The following CAND2 variants were observed in gnomAD, a reference collection of about 807,000 sequenced individuals.
CAND2 encodes cullin-associated NEDD8-dissociated protein 2.
Under a neutral mutation model 98.9 loss-of-function variants are expected in CAND2, and 62 were observed. The observed-to-expected ratio is 0.63, with a 90% CI of 0.51 to 0.77. The LOEUF is 0.77. Among genes scored for constraint, CAND2 ranks in the 30% least tolerant of loss-of-function variants. The probability of loss-of-function intolerance (pLI) is 0.00; values close to 1 mark genes in which losing one functional copy is unlikely to be tolerated. For synonymous variants in CAND2, 770 were observed against 731.9 expected, an observed-to-expected ratio of 1.05 and a Z score of -0.84; for missense variants, 1,501 against 1,655.2, an observed-to-expected ratio of 0.91 and a Z score of 1.62.
At chr3:12,825,043 A>G (rs530912734) in intron 11 of CAND2, among the ~76,000 whole-genome samples, 1 of 152,132 alleles carries the variant, frequency 6.6e-6, no homozygotes, top group Admixed American at 6.5e-5. Flanking sequence ...GTTCACATTC[A>G]CAGAGTCCGT....
chr3:12,803,688 C>T (rs192246470), intron 2 of CAND2, 57 bp downstream of exon 2: 1 of 1,481,310 alleles, frequency 6.8e-7, no homozygotes, highest in African/African-American at 1.4e-5. Flanking sequence ...TGGGAGCATC[C>T]TGGGGACCGC....
At chr3:12,824,976 ACT>A (rs1018559678) in intron 11 of CAND2, among the ~76,000 whole-genome samples, 1 of 151,734 alleles carries the variant, frequency 6.6e-6, no homozygotes. Context: ...AGTGCTGGTG[ACT>A]CTGTGTAAGT....
intron 11 of CAND2, among the ~76,000 whole-genome samples, chr3:12,824,251 T>A (rs1419289742): frequency 2.0e-5 from 3 of 152,360 alleles, no homozygotes; most frequent in Admixed American, 1.3e-4. Flanking sequence ...AAATTTTTTT[T>A]AAGTTTAAAC....
At chr3:12,799,035 C>A (rs1451521591) in intron 1 of CAND2, among the ~76,000 whole-genome samples, 2 of 152,168 alleles carry the variant, frequency 1.3e-5, no homozygotes, top group Non-Finnish European at 2.9e-5. Flanking sequence ...GAGGCTCCAG[C>A]AGTCAAAACG....
At position 12,816,637 on chromosome 3, in the gene CAND2, G is replaced by C; in HGVS notation, c.1705G>C (p.Glu569Gln). The C allele has an allele frequency of 6.2e-7, 1 of 1,613,906 alleles. No individual in the cohort carries two copies. The highest frequency in any genetic ancestry group is 8.5e-7 in the Non-Finnish European group (1 of 1,180,040). Residue 569 changes from glutamate (E) to glutamine (Q), a missense_variant, in exon 10 of 15, where the codon GAG (glutamate) becomes CAG (glutamine). By Grantham distance (29) the Glu-to-Gln change is conservative. Coordinates refer to ENST00000456430, the MANE Select transcript of CAND2 (RefSeq NM_001162499.2). Reference protein sequence around the residue: ...RMLDPEPYVGEMSAVTLARLR... With the variant: ...RMLDPEPYVGQMSAVTLARLR... ...GCTGGATCCTGAGCCATATGTTGGA[G>C]AGATGTCTGCTGTCACCCTGGCGCG...
intron 1 of CAND2, among the ~76,000 whole-genome samples, chr3:12,802,865 A>G (rs1466714201): frequency 6.6e-6 from 1 of 152,112 alleles, no homozygotes; most frequent in East Asian, 1.9e-4. Flanking sequence ...ACAAACCTGT[A>G]TTGAGTACTG....
chr3:12,803,456 G>T (rs1290324392), intron 1 of CAND2, 32 bp from the exon 2 acceptor site: 3 of 1,560,434 alleles, frequency 1.9e-6, no homozygotes, highest in Non-Finnish European at 1.7e-6. Flanking sequence ...CCCAGGAGCT[G>T]CTCAGCAATC....
At chr3:12,797,145 C>T (rs1422253203) in intron 1 of CAND2, among the ~76,000 whole-genome samples, 2 of 149,196 alleles carry the variant, frequency 1.3e-5, no homozygotes, top group Non-Finnish European at 3.0e-5. Context: ...CCCTTCTTCC[C>T]CCGCAGCTGA....
At chr3:12,807,173 C>A in intron 2 of CAND2, 133 bp from the exon 3 acceptor site, 1 of 763,146 alleles carries the variant, frequency 1.3e-6, no homozygotes, top group Non-Finnish European at 2.1e-6. Flanking sequence ...TCTGGCCAAA[C>A]AGGGGCTCCC....
intron 2 of CAND2, among the ~76,000 whole-genome samples, chr3:12,806,365 T>G (rs2061805954): frequency 6.6e-6 from 1 of 152,166 alleles, no homozygotes; most frequent in South Asian, 2.1e-4. Flanking sequence ...AAGCTCTTGT[T>G]GAAACCCTGT....
rs755133388 is a variant in CAND2, at chr3:12,807,430, G to A, written c.337G>A (p.Val113Ile). ...CATTGCCGGCATTGGCCTCAAGACC[G>A]TCCTCTCGGAGCTCCCTCCTGCAGC... is the stretch of plus-strand genomic sequence containing the variant. ...RDIAGIGLKT[V>I]LSELPPAATG... is the part of the protein sequence containing the mutation. Residue 113 changes from valine to isoleucine, a missense_variant, in exon 3 of 15, where the codon GTC becomes ATC. Physicochemically the swap from Val to Ile is conservative, Grantham distance 29 (BLOSUM62 3). Around this residue, in one of 3 missense-constraint regions of CAND2, gnomAD observed 1,427 missense variants for 1,545.3 expected, o/e 0.92. Coordinates refer to ENST00000456430, the MANE Select transcript of CAND2 (RefSeq NM_001162499.2). The A allele has an allele frequency of 2.4e-5, 37 of 1,551,428 alleles. No homozygotes were observed. Among genetic ancestry groups the A allele is most frequent in the Non-Finnish European group, 3.0e-5 (34 of 1,146,960 alleles).
intron 12 of CAND2, among the ~76,000 whole-genome samples, chr3:12,826,418 C>T (rs2061999647): frequency 1.6e-5 from 2 of 123,416 alleles, no homozygotes; most frequent in South Asian, 2.6e-4. Context: ...TCAGAAAGAC[C>T]TGGGTGTCTT....
intron 3 of CAND2, 111 bp downstream of exon 3, chr3:12,807,571 T>A: frequency 9.0e-7 from 1 of 1,109,832 alleles, no homozygotes; most frequent in Non-Finnish European, 1.3e-6. Flanking sequence ...TGAAGAGACA[T>A]ACCTGAGGTC....
intron 13 of CAND2, among the ~76,000 whole-genome samples, chr3:12,829,006 T>C (rs539154789): frequency 1.3e-5 from 2 of 152,346 alleles, no homozygotes; most frequent in African/African-American, 4.8e-5. Context: ...GTAATGCGAC[T>C]GTGAACCTAG....
chr3:12,823,880 G>C (rs898698657), intron 11 of CAND2, among the ~76,000 whole-genome samples: 2 of 152,252 alleles, frequency 1.3e-5, no homozygotes. Context: ...CTGGGCGACA[G>C]AGCGAGACTG....
chr3:12,827,744 A>G (rs1207881623), intron 13 of CAND2, 140 bp downstream of exon 13: 7 of 800,724 alleles, frequency 8.7e-6, no homozygotes, highest in Non-Finnish European at 1.3e-5. Context: ...TCTGATAAGA[A>G]AAGGAACCTG....
intron 11 of CAND2, 21 bp downstream of exon 11, chr3:12,820,202 C>T (rs760915776): frequency 6.3e-7 from 1 of 1,585,670 alleles, no homozygotes; most frequent in Non-Finnish European, 8.7e-7. Flanking sequence ...ACCTCTTGCC[C>T]CTCCACCTTG....
rs201244642 is a variant in CAND2, at chr3:12,813,054, C to T, written c.822C>T (p.Leu274=). 6.3e-5 allele frequency: 100 copies of T among 1,583,832 alleles called. No homozygotes were observed. In the African/African-American group the frequency reaches 1.3e-3, roughly 21 times the overall value. The change falls in exon 6 of 15, where the codon CTC becomes CTT. Residue 274 remains leucine, a synonymous_variant. Transcript: ENST00000456430. ...EDFCNLDDDE[L]RESCLQAFEA... ...TCTGCAACCTGGATGATGATGAGCT[C>T]CGGGAGTCCTGCCTCCAGGCTTTTG...
intron 10 of CAND2, among the ~76,000 whole-genome samples, chr3:12,818,606 A>G (rs1011221506): frequency 6.6e-6 from 1 of 152,260 alleles, no homozygotes; most frequent in African/African-American, 2.4e-5. Context: ...GAGAGTTCCC[A>G]GAATGAAAGG....
Sources: gnomAD v4.1 joint callset for allele counts (sites outside exome capture counted in the v4.1 genomes callset) on GRCh38, gnomAD v4.1.1 for gene constraint, gnomAD v4.1.1 regional missense constraint, MANE v1.5 for transcripts, NCBI Gene and HGNC (gene_info 2026-07-23, HGNC 2026-07-21) for gene names.